TMEM245: variants seen among roughly 807,000 people sequenced by gnomAD.
The protein encoded by TMEM245 is transmembrane protein 245.
In TMEM245, 69 loss-of-function variants were observed where a neutral mutation model predicts 101.2. That is an observed-to-expected ratio of 0.68 (90% CI 0.56 to 0.83). TMEM245 has a LOEUF of 0.83. Ranked by LOEUF, TMEM245 falls within the 40% of genes least tolerant of loss-of-function variation. The pLI, the probability that TMEM245 is intolerant of heterozygous loss-of-function variation, is 0.00. For missense variants in TMEM245, 1,075 were observed against 1,092.8 expected (o/e 0.98, Z 0.23); for synonymous variants, 537 against 449.8 (o/e 1.19, Z -2.45).
At chr9:109,112,843 C>T in intron 1 of TMEM245, among the ~76,000 whole-genome samples, 1 of 152,038 alleles carries the variant, frequency 6.6e-6, no homozygotes, top group East Asian at 1.9e-4. Context: ...TTTGGGAGAC[C>T]AAGATGGGCA....
intron 1 of TMEM245, among the ~76,000 whole-genome samples, chr9:109,114,632 A>C (rs1351385554): frequency 6.6e-6 from 1 of 152,204 alleles, no homozygotes; most frequent in Non-Finnish European, 1.5e-5. Flanking sequence ...GGGATCAGAG[A>C]CCACAGAAAA....
intron 7 of TMEM245, among the ~76,000 whole-genome samples, chr9:109,084,860 T>C (rs563616020): frequency 1.6e-4 from 24 of 152,290 alleles, no homozygotes; most frequent in Non-Finnish European, 3.1e-4. Flanking sequence ...TTTTACACAA[T>C]GCTTCCTTTC....
rs1193341550 is a variant in TMEM245, at chr9:109,041,453, A to ATTTTTTT, written c.2124-3343_2124-3337dup. Among the ~76,000 whole-genome samples, 121 of 83,254 alleles carry ATTTTTTT rather than the reference A, an allele frequency of 1.5e-3. 6 individuals are homozygous for ATTTTTTT. The highest frequency in any genetic ancestry group is 5.6e-3 in the African/African-American group (111 of 19,986). 54.6% of individuals were successfully genotyped at this position (83,254 alleles called of 152,430 possible). A position where few individuals can be genotyped will look rare whatever the true frequency, so the allele number is the denominator to read the frequency against. On this transcript the variant is annotated intron_variant, in intron 14 of 17. Transcript: ENST00000374586. ...GTAGGATGTGGTTGCCATCCTACAA[A>ATTTTTTT]TTTTTTTTTTTTTTTTTTTTTTTTT...
At chr9:109,049,086 T>C (rs566597650) in intron 14 of TMEM245, among the ~76,000 whole-genome samples, 3 of 152,330 alleles carry the variant, frequency 2.0e-5, no homozygotes, top group African/African-American at 7.2e-5. Flanking sequence ...GGGGGTTCTC[T>C]TAAGCAAGTG....
chr9:109,088,265 T>C (rs1829898624), intron 5 of TMEM245, among the ~76,000 whole-genome samples: 1 of 152,222 alleles, frequency 6.6e-6, no homozygotes. Flanking sequence ...ACAATTCCTT[T>C]ATTACCATTT....
chr9:109,026,749 G>A (rs1827803277), intron 17 of TMEM245, among the ~76,000 whole-genome samples: 1 of 151,424 alleles, frequency 6.6e-6, no homozygotes, highest in Non-Finnish European at 1.5e-5. Flanking sequence ...GAGGTGTTTG[G>A]GCCACAGGAG....
At chr9:109,044,685 T>A (rs906789458) in intron 14 of TMEM245, among the ~76,000 whole-genome samples, 5 of 152,086 alleles carry the variant, frequency 3.3e-5, no homozygotes, top group South Asian at 2.1e-4. Flanking sequence ...TACATAATAA[T>A]GTTTCAATAC....
chr9:109,036,314 A>G lies in TMEM245; in HGVS notation c.2291T>C (p.Leu764Pro). ...TAACCCTTGTGTCAGCCACAGGTCA[A>G]GAACTGCAGGTACTGCTGCCCAGTA... ...GTYWAAVPAV[L>P]DLWLTQGLGC... The change falls in exon 16 of 18, where the codon CTT becomes CCT. Residue 764 changes from leucine to proline, a missense_variant. Physicochemically the swap from Leu to Pro is moderately conservative, Grantham distance 98. Around this residue, in one of 2 missense-constraint regions of TMEM245, gnomAD observed 267 missense variants for 351.3 expected, o/e 0.76. Transcript: ENST00000374586. The G allele has an allele frequency of 6.2e-7, 1 of 1,613,996 alleles. No individual in the cohort carries two copies. Among genetic ancestry groups the G allele is most frequent in the Non-Finnish European group, 8.5e-7 (1 of 1,179,988 alleles).
Position 109,023,926 on chromosome 9 carries a change from C to A in TMEM245, c.2595-3421G>T, listed in dbSNP as rs141488633. ...ACTAGAGGACTGTTAACATTTTACA[C>A]CTCCTTTCAGAGCAACAGGGATTGT... is the stretch of plus-strand genomic sequence containing the variant. On this transcript the variant is annotated intron_variant, in intron 17 of 17. Coordinates refer to ENST00000374586, the MANE Select transcript of TMEM245 (RefSeq NM_032012.4). Among the ~76,000 whole-genome samples, 200 of 151,682 alleles carry A rather than the reference C, an allele frequency of 1.3e-3. 2 individuals are homozygous for A. The East Asian group carries it at 0.033, about 25-fold the overall frequency.
chr9:109,029,663 A>C (rs564790033), intron 17 of TMEM245, among the ~76,000 whole-genome samples: 1 of 152,356 alleles, frequency 6.6e-6, no homozygotes, highest in South Asian at 2.1e-4. Flanking sequence ...AAATCAAGAA[A>C]GAAAATTATA....
intron 6 of TMEM245, among the ~76,000 whole-genome samples, chr9:109,086,814 G>GACATAT (rs1484197035): frequency 6.6e-6 from 1 of 152,150 alleles, no homozygotes; most frequent in Non-Finnish European, 1.5e-5. Context: ...TACAGTATCT[G>GACATAT]ACATATGGTA....
intron 14 of TMEM245, among the ~76,000 whole-genome samples, chr9:109,049,078 G>C (rs944851699): frequency 6.6e-6 from 1 of 152,174 alleles, no homozygotes; most frequent in Non-Finnish European, 1.5e-5. Context: ...GTGGAAGCGG[G>C]GGTTCTCTTA....
intron 8 of TMEM245, among the ~76,000 whole-genome samples, chr9:109,077,089 T>C (rs895034109): frequency 1.3e-5 from 2 of 150,476 alleles, no homozygotes; most frequent in African/African-American, 2.5e-5. Flanking sequence ...ATTATATATA[T>C]AATATAAAAG....
intron 8 of TMEM245, among the ~76,000 whole-genome samples, chr9:109,079,331 C>T (rs1287667660): frequency 6.6e-6 from 1 of 151,626 alleles, no homozygotes; most frequent in Non-Finnish European, 1.5e-5. Context: ...GATGTGGATA[C>T]AAAACAAAAA....
At chr9:109,020,736 T>A (rs1827596631) in intron 17 of TMEM245, among the ~76,000 whole-genome samples, 1 of 152,238 alleles carries the variant, frequency 6.6e-6, no homozygotes, top group Admixed American at 6.5e-5. Flanking sequence ...AAACTACACA[T>A]GACCACGTGA....
Position 109,119,583 on chromosome 9 carries a change from G to T in TMEM245, c.331C>A (p.Arg111Ser). Reference sequence around the variant, plus strand: ...ATGGGCGTGTGCGCGCGGTGCAGGCGCTGCAGCCAGTGGCGGCCCAGGCGC... The same window carrying T: ...ATGGGCGTGTGCGCGCGGTGCAGGCTCTGCAGCCAGTGGCGGCCCAGGCGC... The part of the protein sequence containing the change: ...LTRLGRHWLQ[R>S]LHRAHTPIVL... The change falls in exon 1 of 18, where the codon CGC becomes AGC. Residue 111 changes from arginine (R) to serine (S), a missense_variant. By Grantham distance (110) the Arg-to-Ser change is moderately radical (BLOSUM62 -1). Around this residue, in one of 2 missense-constraint regions of TMEM245, gnomAD observed 808 missense variants for 741.5 expected, o/e 1.09. Transcript: ENST00000374586. The T allele has an allele frequency of 1.3e-6, 2 of 1,547,646 alleles. No homozygotes were observed. The highest frequency in any genetic ancestry group is 8.7e-7 in the Non-Finnish European group (1 of 1,151,036).
chr9:109,109,771 T>C (rs771150687), intron 1 of TMEM245, among the ~76,000 whole-genome samples: 6 of 152,128 alleles, frequency 3.9e-5, no homozygotes, highest in Non-Finnish European at 8.8e-5. Flanking sequence ...ATTCACTCAA[T>C]AAAATGTTAT....
chr9:109,037,357 T>C (rs1046555331), intron 15 of TMEM245, among the ~76,000 whole-genome samples: 2 of 152,196 alleles, frequency 1.3e-5, no homozygotes, highest in Non-Finnish European at 2.9e-5. Context: ...TGCTAAGTGC[T>C]AGAACATTCA....
chr9:109,102,154 A>G (rs1830297366), intron 3 of TMEM245, among the ~76,000 whole-genome samples: 1 of 152,234 alleles, frequency 6.6e-6, no homozygotes, highest in Non-Finnish European at 1.5e-5. Flanking sequence ...TTGCCAAAAC[A>G]GGAAATTTAC....
Sources: gnomAD v4.1 joint callset for allele counts (sites outside exome capture counted in the v4.1 genomes callset) on GRCh38, gnomAD v4.1.1 for gene constraint, gnomAD v4.1.1 regional missense constraint, MANE v1.5 for transcripts, NCBI Gene and HGNC (gene_info 2026-07-23, HGNC 2026-07-21) for gene names.